NLRP14: variants seen among roughly 807,000 people sequenced by gnomAD.
The protein encoded by NLRP14 is NLR family pyrin domain containing 14.
NLRP14 carries 105 observed loss-of-function variants against 94.7 expected under a neutral mutation model. The ratio of observed to expected loss-of-function variants is 1.11; its 90% confidence interval spans 0.95 to 1.30. The LOEUF (loss-of-function observed/expected upper bound fraction) is 1.30, where lower values mean the gene tolerates loss of function less well. Among genes scored for constraint, NLRP14 ranks in the 50% most tolerant of loss-of-function variants. NLRP14 has a pLI of 0.00. For missense variants in NLRP14, 1,362 were observed against 1,254.1 expected, an observed-to-expected ratio of 1.09 and a Z score of -1.30; for synonymous variants, 508 against 459.9, an observed-to-expected ratio of 1.10 and a Z score of -1.34.
intron 11 of NLRP14, 60 bp downstream of exon 11, chr11:7,070,516 A>C: frequency 8.6e-7 from 1 of 1,158,422 alleles, no homozygotes. Context: ...TTGGGGAGCC[A>C]CTCATTAATA....
intron 1 of NLRP14, among the ~76,000 whole-genome samples, chr11:7,021,952 A>G (rs1851950059): frequency 6.6e-6 from 1 of 151,984 alleles, no homozygotes; most frequent in Non-Finnish European, 1.5e-5. Context: ...CCAAAATTAA[A>G]AGAAAAAAAA....
chr11:7,063,764 A>G (rs191834848), intron 10 of NLRP14, among the ~76,000 whole-genome samples: 3 of 152,224 alleles, frequency 2.0e-5, no homozygotes, highest in Non-Finnish European at 4.4e-5. Context: ...AACTCCAAGC[A>G]TGTGATGAGC....
the NLRP14 span, chr11:7,090,285 C>T: frequency 8.1e-6 from 13 of 1,600,152 alleles, no homozygotes; most frequent in African/African-American, 4.0e-5. Context: ...AGGAGGAGGC[C>T]GGAGCAGATA....
chr11:7,086,694 CTATCATTTTTTGCA>C, the NLRP14 span, among the ~76,000 whole-genome samples: 1 of 152,034 alleles, frequency 6.6e-6, no homozygotes, highest in African/African-American at 2.4e-5. Context: ...GATCTTGATC[CTATCATTTTTTGCA>C]GAGCAGAGAC....
chr11:7,023,856 G>A (rs1157651281), intron 1 of NLRP14, among the ~76,000 whole-genome samples: 1 of 151,736 alleles, frequency 6.6e-6, no homozygotes, highest in East Asian at 1.9e-4. Flanking sequence ...AGGGAGGGAG[G>A]TTCCTCACAC....
downstream of NLRP14, among the ~76,000 whole-genome samples, chr11:7,073,528 T>A (rs569153639): frequency 6.6e-6 from 1 of 152,208 alleles, no homozygotes; most frequent in East Asian, 1.9e-4. Flanking sequence ...CAGGTGAGGA[T>A]CTCAGTCCCA....
intron 1 of NLRP14, among the ~76,000 whole-genome samples, chr11:7,034,555 A>T (rs1218104682): frequency 4.6e-5 from 7 of 152,196 alleles, no homozygotes; most frequent in Non-Finnish European, 7.4e-5. Context: ...TTTACACTTC[A>T]GTTGTTTATT....
chr11:7,075,174 T>C (rs78869924), downstream of NLRP14, among the ~76,000 whole-genome samples: 5,711 of 152,238 alleles, frequency 0.038, 280 homozygotes, highest in African/African-American at 0.11. Context: ...TTTTCCAGGG[T>C]TCCGTTGGCC....
chr11:7,054,539 A>G (rs1852492206), intron 6 of NLRP14, among the ~76,000 whole-genome samples: 1 of 152,032 alleles, frequency 6.6e-6, no homozygotes, highest in South Asian at 2.1e-4. Context: ...GTTTTGATTT[A>G]CATTTCTCTG....
chr11:7,057,039 A>ATGC lies in NLRP14; in HGVS notation c.2292-622_2292-620dup, dbSNP rs541404987. 5.1e-3 allele frequency among the ~76,000 whole-genome samples: 782 copies of ATGC among 152,006 alleles called. 3 individuals are homozygous for ATGC. The highest frequency in any genetic ancestry group is 0.012 in the African/African-American group (503 of 41,498). On this transcript the variant is annotated intron_variant, in intron 6 of 11. Coordinates refer to ENST00000299481, the MANE Select transcript of NLRP14 (RefSeq NM_176822.4). ...CCCAGAGAAATTCCAAATACCAGAAATGCTGCTGCTGCTGCTGCCTGACTC... is the reference window on the plus strand; with the variant it reads ...CCCAGAGAAATTCCAAATACCAGAAATGCTGCTGCTGCTGCTGCTGCCTGACTC...
chr11:7,040,356 C>A (rs1852230579), intron 3 of NLRP14, among the ~76,000 whole-genome samples: 1 of 152,190 alleles, frequency 6.6e-6, no homozygotes, highest in African/African-American at 2.4e-5. Context: ...CTGCTTTAGT[C>A]TCATAGGAGC....
At chr11:7,023,891 C>T (rs1851979456) in intron 1 of NLRP14, among the ~76,000 whole-genome samples, 1 of 151,998 alleles carries the variant, frequency 6.6e-6, no homozygotes, top group Admixed American at 6.6e-5. Context: ...TGAGAACTTA[C>T]TATCACAAGG....
intron 5 of NLRP14, 39 bp downstream of exon 5, chr11:7,046,871 ATTTC>A (rs758226361): frequency 1.6e-5 from 24 of 1,506,996 alleles, no homozygotes; most frequent in Non-Finnish European, 2.1e-5. Flanking sequence ...AGTTATTCTA[ATTTC>A]TTTCTGTGTC....
intron 8 of NLRP14, among the ~76,000 whole-genome samples, chr11:7,059,555 GTACT>G (rs1852580296): frequency 6.6e-6 from 1 of 151,888 alleles, no homozygotes; most frequent in South Asian, 2.1e-4. Flanking sequence ...CATACAAAGA[GTACT>G]TACTTTATTA....
At chr11:7,058,883 G>A (rs1852564852) in intron 8 of NLRP14, among the ~76,000 whole-genome samples, 1 of 151,890 alleles carries the variant, frequency 6.6e-6, no homozygotes, top group South Asian at 2.1e-4. Flanking sequence ...GCTCATTTTT[G>A]TTAGATAATT....
intron 1 of NLRP14, among the ~76,000 whole-genome samples, chr11:7,026,483 A>G (rs1027293821): frequency 2.0e-5 from 3 of 152,090 alleles, no homozygotes; most frequent in Middle Eastern, 3.2e-3. Context: ...TTAGAATGGC[A>G]ATCATTAAAA....
At chr11:7,047,942 TAG>T (rs1456330569) in intron 5 of NLRP14, among the ~76,000 whole-genome samples, 4 of 151,396 alleles carry the variant, frequency 2.6e-5, no homozygotes, top group Admixed American at 1.3e-4. Flanking sequence ...GTATTTTTAG[TAG>T]AGACAGGGTT....
At chr11:7,026,966 A>G (rs1449575037) in intron 1 of NLRP14, among the ~76,000 whole-genome samples, 2 of 151,912 alleles carry the variant, frequency 1.3e-5, no homozygotes, top group Non-Finnish European at 2.9e-5. Context: ...TATAATAATA[A>G]TAATAAAAAA....
chr11:7,089,171 C>G, the NLRP14 span: 580 of 1,613,890 alleles, frequency 3.6e-4, no homozygotes, highest in Admixed American at 4.8e-4. Flanking sequence ...GCCTCAACCT[C>G]GAAACCGACG....
Sources: allele counts gnomAD v4.1 joint callset (sites outside exome capture counted in the v4.1 genomes callset), GRCh38; gene constraint gnomAD v4.1.1; transcripts MANE v1.5; gene names NCBI Gene and HGNC (gene_info 2026-07-23, HGNC 2026-07-21).